MAP3K2: variants seen among roughly 807,000 people sequenced by gnomAD.
MAP3K2 encodes the protein mitogen-activated protein kinase kinase kinase 2, also known as MAP/ERK kinase kinase 2.
Under a neutral mutation model 80.3 loss-of-function variants are expected in MAP3K2, and 24 were observed. That is an observed-to-expected ratio of 0.30 (90% CI 0.22 to 0.42). The LOEUF is 0.42. MAP3K2 is among the 10% of genes least tolerant of loss of function. MAP3K2 has a pLI of 1.00. For synonymous variants in MAP3K2, 244 were observed against 253.7 expected (o/e 0.96, Z 0.36); for missense variants, 608 against 750.1 (o/e 0.81, Z 2.21).
At chr2:127,337,451 C>A (rs990646449) in intron 4 of MAP3K2, among the ~76,000 whole-genome samples, 1 of 152,044 alleles carries the variant, frequency 6.6e-6, no homozygotes, top group Non-Finnish European at 1.5e-5. Flanking sequence ...TAATTTCCCC[C>A]AAGTAAAAAT....
At chr2:127,377,224 G>T (rs767522533) in intron 1 of MAP3K2, among the ~76,000 whole-genome samples, 1 of 151,916 alleles carries the variant, frequency 6.6e-6, no homozygotes, top group Non-Finnish European at 1.5e-5. Context: ...TAAAATAGAC[G>T]AGTTTATTGT....
intron 1 of MAP3K2, among the ~76,000 whole-genome samples, chr2:127,383,616 T>C (rs1008168987): frequency 2.0e-5 from 3 of 152,204 alleles, no homozygotes; most frequent in African/African-American, 7.2e-5. Context: ...GATCATGTCA[T>C]CAGGGAATAG....
intron 1 of MAP3K2, among the ~76,000 whole-genome samples, chr2:127,383,187 C>T (rs1687279546): frequency 6.6e-6 from 1 of 152,184 alleles, no homozygotes; most frequent in South Asian, 2.1e-4. Flanking sequence ...CCCCATGATC[C>T]AGTCACCTCC....
intron 9 of MAP3K2, among the ~76,000 whole-genome samples, chr2:127,325,434 T>G (rs1417689906): frequency 6.6e-6 from 1 of 152,190 alleles, no homozygotes; most frequent in Non-Finnish European, 1.5e-5. Flanking sequence ...ATCCCAGCGC[T>G]TTAGGAGACC....
Position 127,387,474 on chromosome 2 carries a change from A to T in MAP3K2, c.-88T>A. 1 of 985,206 alleles carries T rather than the reference A, an allele frequency of 1.0e-6. No individual in the cohort carries two copies. The highest frequency in any genetic ancestry group is 1.2e-6 in the Non-Finnish European group (1 of 830,300). 61.0% of individuals were successfully genotyped at this position (985,206 alleles called of 1,614,324 possible). On this transcript the variant is annotated 5_prime_UTR_variant, in exon 1 of 17. Coordinates refer to ENST00000682094, the MANE Select transcript of MAP3K2 (RefSeq NM_001371910.2). ...TACCGGCTGCTCCGCAGGGACGTAG[A>T]GAGCCGCAGGCCCAAGGAGGGGCCG... is the stretch of plus-strand genomic sequence containing the variant.
At chr2:127,316,202 C>T (rs1333559254) in intron 14 of MAP3K2, among the ~76,000 whole-genome samples, 3 of 152,026 alleles carry the variant, frequency 2.0e-5, no homozygotes, top group African/African-American at 4.8e-5. Flanking sequence ...GGTGAAACCT[C>T]GTCTCTACTA....
chr2:127,369,428 C>G (rs1439824281), intron 1 of MAP3K2, among the ~76,000 whole-genome samples: 1 of 122,790 alleles, frequency 8.1e-6, no homozygotes, highest in African/African-American at 3.1e-5. Context: ...GTCAGGAGAT[C>G]GAGACCCTCC....
chr2:127,386,016 A>C (rs1159854396), intron 1 of MAP3K2, among the ~76,000 whole-genome samples: 1 of 152,252 alleles, frequency 6.6e-6, no homozygotes, highest in Admixed American at 6.5e-5. Flanking sequence ...TATTTTAACC[A>C]AACAACAAAT....
chr2:127,337,683 T>C (rs1346576119), intron 4 of MAP3K2, 55 bp downstream of exon 4: 6 of 1,030,070 alleles, frequency 5.8e-6, no homozygotes, highest in Non-Finnish European at 8.7e-6. Context: ...AAAGCTTAAT[T>C]AGAATACACA....
intron 15 of MAP3K2, among the ~76,000 whole-genome samples, chr2:127,313,420 A>G (rs2104809437): frequency 6.6e-6 from 1 of 152,294 alleles, no homozygotes; most frequent in African/African-American, 2.4e-5. Context: ...ACTTACTCTA[A>G]GTCCCACTCT....
intron 1 of MAP3K2, among the ~76,000 whole-genome samples, chr2:127,353,983 C>G (rs921992719): frequency 2.6e-5 from 4 of 151,730 alleles, no homozygotes; most frequent in African/African-American, 9.7e-5. Context: ...TGTGTCCACT[C>G]AGGGTTAAAT....
intron 1 of MAP3K2, among the ~76,000 whole-genome samples, chr2:127,355,575 C>T (rs1374764381): frequency 2.6e-5 from 4 of 152,084 alleles, no homozygotes; most frequent in Non-Finnish European, 5.9e-5. Context: ...AACACCTGAG[C>T]CTTCAGAGTT....
chr2:127,383,749 G>C (rs1233620257), intron 1 of MAP3K2, among the ~76,000 whole-genome samples: 1 of 152,156 alleles, frequency 6.6e-6, no homozygotes, highest in Non-Finnish European at 1.5e-5. Context: ...CTGAGGCAAA[G>C]AGTTTGCAAC....
chr2:127,340,674 A>T (rs547384125), intron 2 of MAP3K2, among the ~76,000 whole-genome samples: 8 of 151,988 alleles, frequency 5.3e-5, no homozygotes, highest in Non-Finnish European at 1.0e-4. Flanking sequence ...GAAAAAAAAA[A>T]AAAAGGTAAA....
At chr2:127,371,980 A>G (rs377118071) in intron 1 of MAP3K2, among the ~76,000 whole-genome samples, 199 of 152,282 alleles carry the variant, frequency 1.3e-3, no homozygotes, top group Middle Eastern at 3.4e-3. Flanking sequence ...GTCAGATGGA[A>G]AGCCCACAGT....
intron 5 of MAP3K2, among the ~76,000 whole-genome samples, chr2:127,333,976 G>A (rs1041523257): frequency 5.3e-5 from 8 of 152,126 alleles, no homozygotes; most frequent in African/African-American, 1.9e-4. Flanking sequence ...GTGCCTGCCT[G>A]TGGTCCCAGC....
intron 3 of MAP3K2, among the ~76,000 whole-genome samples, chr2:127,338,007 A>G (rs999057186): frequency 2.0e-5 from 3 of 152,180 alleles, no homozygotes; most frequent in Admixed American, 1.3e-4. Flanking sequence ...GAACACCAAG[A>G]TCTATTAGTG....
intron 1 of MAP3K2, among the ~76,000 whole-genome samples, chr2:127,345,776 G>T (rs570138022): frequency 2.0e-5 from 3 of 152,194 alleles, no homozygotes; most frequent in Admixed American, 6.5e-5. Flanking sequence ...TAATCAATGG[G>T]TCACTAGAAG....
chr2:127,388,068 C>G (rs1177202739), upstream of MAP3K2: 4 of 983,750 alleles, frequency 4.1e-6, no homozygotes, highest in African/African-American at 1.8e-5. Flanking sequence ...GGCGCGCGCC[C>G]GGCCCAGGGG....
Sources: allele counts gnomAD v4.1 joint callset (sites outside exome capture counted in the v4.1 genomes callset), GRCh38; gene constraint gnomAD v4.1.1; transcripts MANE v1.5; gene names NCBI Gene and HGNC (gene_info 2026-07-23, HGNC 2026-07-21).